TMEM184C: variants seen among roughly 807,000 people sequenced by gnomAD.
The protein encoded by TMEM184C is transmembrane protein 34.
In TMEM184C, 25 loss-of-function variants were observed where a neutral mutation model predicts 54.5. The ratio of observed to expected loss-of-function variants is 0.46; its 90% CI spans 0.33 to 0.64. The LOEUF (loss-of-function observed/expected upper bound fraction) is 0.64. Among genes scored for constraint, TMEM184C ranks in the 30% least tolerant of loss-of-function variants. TMEM184C has a pLI of 0.02. For synonymous variants in TMEM184C, 148 were observed against 181.5 expected (o/e 0.82, Z 1.49); for missense variants, 335 against 520.3 (o/e 0.64, Z 3.46).
At chr4:147,626,459 G>A (rs1457995926) in intron 4 of TMEM184C, among the ~76,000 whole-genome samples, 1 of 152,144 alleles carries the variant, frequency 6.6e-6, no homozygotes, top group Non-Finnish European at 1.5e-5. Flanking sequence ...GGAATAAGGT[G>A]GAAGTTACAA....
At chr4:147,622,234 C>T (rs540495621) in intron 1 of TMEM184C, among the ~76,000 whole-genome samples, 5 of 151,892 alleles carry the variant, frequency 3.3e-5, no homozygotes, top group South Asian at 2.1e-4. Flanking sequence ...TGAGCCACCG[C>T]GCCTGGCCGC....
Position 147,632,934 on chromosome 4 carries a change from G to C in TMEM184C, c.811G>C (p.Val271Leu), listed in dbSNP as rs749122782. ...AGTAGTTATTGCTTTGTTGGTAAAA[G>C]TTGGCGTTATTTCTGAAAAGCATAC... is the stretch of plus-strand genomic sequence containing the variant. The part of the protein sequence containing the change: ...QAVVIALLVK[V>L]GVISEKHTWE... The change falls in exon 8 of 10, where the codon GTT becomes CTT. Residue 271 changes from valine (V) to leucine (L), a missense_variant. Val to Leu is a conservative substitution (Grantham distance 32). Coordinates refer to ENST00000296582, the MANE Select transcript of TMEM184C (RefSeq NM_018241.3). The C allele has an allele frequency of 4.3e-6, 7 of 1,613,872 alleles. No individual in the cohort carries two copies. In the East Asian group the frequency reaches 1.1e-4, roughly 26 times the overall value.
At chr4:147,620,271 T>C (rs951572051) in intron 1 of TMEM184C, among the ~76,000 whole-genome samples, 2 of 152,236 alleles carry the variant, frequency 1.3e-5, no homozygotes, top group Non-Finnish European at 2.9e-5. Flanking sequence ...TACTTTGTTT[T>C]CTTTCCCCCT....
chr4:147,624,198 G>C (rs1326963204), intron 3 of TMEM184C, 100 bp downstream of exon 3: 1 of 1,021,852 alleles, frequency 9.8e-7, no homozygotes, highest in East Asian at 2.5e-5. Context: ...TTGACAAGGA[G>C]TCAGATTAAT....
At chr4:147,633,716 C>G (rs539895804) in intron 8 of TMEM184C, 49 bp from the exon 9 acceptor site, 49 of 1,462,152 alleles carry the variant, frequency 3.4e-5, no homozygotes, top group Non-Finnish European at 4.4e-5. Context: ...ACTCTACAAA[C>G]CTAGATTTAA....
In TMEM184C at chr4:147,623,824, G is replaced by C. The variant is rs371981023; in HGVS notation, c.124-10G>C. ...AGAATTTATATTAACATGTTATTTT[G>C]TTTCTTAAGGTTGGAATACACACCA... On this transcript the variant is annotated splice_polypyrimidine_tract_variant and intron_variant, in intron 1 of 9. Transcript: ENST00000296582. The C allele has an allele frequency of 1.1e-5, 17 of 1,611,964 alleles. No homozygotes were observed. The highest frequency in any genetic ancestry group is 1.4e-5 in the Non-Finnish European group (17 of 1,179,388).
chr4:147,635,958 C>T lies in TMEM184C; in HGVS notation c.*1524C>T, dbSNP rs1363080710. On this transcript the variant is annotated 3_prime_UTR_variant, in exon 10 of 10. Transcript: ENST00000296582. ...AGGCAGTAAAAGATCTGTATGTACA[C>T]TGAAAACTATGAAACACTGATGAAA... is the stretch of plus-strand genomic sequence containing the variant. 6.6e-6 allele frequency: 1 copy of T among 152,062 alleles called. No homozygotes were observed. The highest frequency in any genetic ancestry group is 1.5e-5 in the Non-Finnish European group (1 of 67,966). The allele number at this position is 152,062 out of a possible 1,614,324, so 9.4% of individuals were successfully genotyped here.
chr4:147,628,460 C>CA, intron 5 of TMEM184C, 25 bp downstream of exon 5: 1 of 1,582,022 alleles, frequency 6.3e-7, no homozygotes, highest in Non-Finnish European at 8.7e-7. Flanking sequence ...TTTATATGAA[C>CA]TTTTTTTTTC....
In TMEM184C at chr4:147,618,069, A is replaced by G. The variant is rs1333295243; in HGVS notation, c.113A>G (p.Gln38Arg). The G allele has an allele frequency of 6.2e-7, 1 of 1,614,130 alleles. No individual in the cohort carries two copies. Among genetic ancestry groups the G allele is most frequent in the African/African-American group, 1.3e-5 (1 of 75,046 alleles). ...VAVPLCVWEL[Q>R]KLEVGIHTKA... ...GTTCCCCTATGCGTGTGGGAATTAC[A>G]GAAACTGGAGGTAAGAGGGTTCTGC... Residue 38 changes from glutamine to arginine, a missense_variant, in exon 1 of 10, where the codon CAG becomes CGG. Physicochemically the swap from Gln to Arg is conservative, Grantham distance 43. Coordinates refer to ENST00000296582, the MANE Select transcript of TMEM184C (RefSeq NM_018241.3).
At position 147,618,023 on chromosome 4, in the gene TMEM184C, C is replaced by T. The variant is rs1279730710; in HGVS notation, c.67C>T (p.Leu23=). Residue 23 remains leucine (L), a synonymous_variant, in exon 1 of 10, where the codon CTG becomes TTG. Coordinates refer to ENST00000296582, the MANE Select transcript of TMEM184C (RefSeq NM_018241.3). The part of the protein sequence containing the change: ...WIRPLVAVIY[L]VSIVVAVPLC... ...TCGACCTTTAGTAGCGGTCATCTAC[C>T]TGGTGTCAATAGTGGTTGCGGTTCC... 1.2e-6 allele frequency: 2 copies of T among 1,614,154 alleles called. No individual in the cohort carries two copies. Among genetic ancestry groups the T allele is most frequent in the Admixed American group, 1.7e-5 (1 of 60,008 alleles).
intron 4 of TMEM184C, among the ~76,000 whole-genome samples, chr4:147,626,562 C>T (rs779540139): frequency 4.6e-5 from 7 of 152,188 alleles, no homozygotes; most frequent in Non-Finnish European, 1.0e-4. Flanking sequence ...ATTTGTACAA[C>T]GTCCTGACAA....
Position 147,631,522 on chromosome 4 carries a change from T to C in TMEM184C, c.779+17T>C. 1 of 1,584,916 alleles carries C rather than the reference T, an allele frequency of 6.3e-7. No individual in the cohort carries two copies. Among genetic ancestry groups the C allele is most frequent in the Non-Finnish European group, 8.6e-7 (1 of 1,160,910 alleles). On this transcript the variant is annotated intron_variant, in intron 7 of 9. Coordinates refer to ENST00000296582, the MANE Select transcript of TMEM184C (RefSeq NM_018241.3). ...TTCTTTTTGGTAAGTGTTACTTTTTTTTAAATGTTCTCATTTTTTTAAGGG... is the reference window on the plus strand; with the variant it reads ...TTCTTTTTGGTAAGTGTTACTTTTTCTTAAATGTTCTCATTTTTTTAAGGG...
intron 5 of TMEM184C, among the ~76,000 whole-genome samples, chr4:147,629,283 G>GT (rs202162985): frequency 8.0e-5 from 12 of 150,834 alleles, no homozygotes; most frequent in East Asian, 3.9e-4. Context: ...CAGCATAGTT[G>GT]TTTTTTTTTA....
intron 1 of TMEM184C, among the ~76,000 whole-genome samples, chr4:147,621,548 G>A (rs896704260): frequency 3.3e-5 from 5 of 152,116 alleles, no homozygotes; most frequent in Admixed American, 6.6e-5. Flanking sequence ...AATTTCTGCA[G>A]ATAGCTAGTG....
Position 147,624,211 on chromosome 4 carries a change from G to A in TMEM184C, c.291+113G>A, listed in dbSNP as rs185974959. ...TATTGACAAGGAGTCAGATTAATAA[G>A]TAAAAAGGTTCACTTGTTTCTAATG... On this transcript the variant is annotated intron_variant, in intron 3 of 9. Transcript: ENST00000296582. The A allele has an allele frequency of 7.5e-4, 640 of 856,078 alleles. 2 individuals are homozygous for A. The highest frequency in any genetic ancestry group is 5.5e-3 in the Middle Eastern group (15 of 2,706). 53.0% of individuals were successfully genotyped at this position (856,078 alleles called of 1,614,324 possible). A position where few individuals can be genotyped will look rare whatever the true frequency, so the allele number is the denominator to read the frequency against.
At chr4:147,633,563 TAG>T (rs1233929685) in intron 8 of TMEM184C, among the ~76,000 whole-genome samples, 200 bp from the exon 9 acceptor site, 1 of 152,086 alleles carries the variant, frequency 6.6e-6, no homozygotes, top group Non-Finnish European at 1.5e-5. Context: ...AAGTGCAAAA[TAG>T]ATTCACATTT....
chr4:147,625,846 G>C (rs1034492273), intron 4 of TMEM184C, among the ~76,000 whole-genome samples: 1 of 152,164 alleles, frequency 6.6e-6, no homozygotes, highest in African/African-American at 2.4e-5. Flanking sequence ...GAGTAATTCA[G>C]ACAGAGCCAG....
chr4:147,633,648 A>C (rs1732956518), intron 8 of TMEM184C, 117 bp from the exon 9 acceptor site: 1 of 852,112 alleles, frequency 1.2e-6, no homozygotes, highest in African/African-American at 1.7e-5. Context: ...ATAATCTGAG[A>C]AGAAAAAACA....
rs761488802 is a variant in TMEM184C, at chr4:147,624,097, G to A, written c.290G>A (p.Ser97Asn). The A allele has an allele frequency of 5.8e-5, 92 of 1,594,760 alleles. No homozygotes were observed. The highest frequency in any genetic ancestry group is 7.7e-5 in the Non-Finnish European group (90 of 1,165,556). The change falls in exon 3 of 10, where the codon AGT (serine) becomes AAT (asparagine). Residue 97 changes from serine to asparagine, a missense_variant and splice_region_variant. By Grantham distance (46) the Ser-to-Asn change is conservative (BLOSUM62 1). Transcript: ENST00000296582. The stretch of plus-strand genomic sequence containing the variant: ...ATGGTACCTATTTACAGTTTAGATA[G>A]TGTAAGTATGTTTCATTTTTATCTC... ...LWMVPIYSLDSWIALKYPGIA... is the reference protein window; with the variant it reads ...LWMVPIYSLDNWIALKYPGIA...
Sources: allele counts gnomAD v4.1 joint callset (sites outside exome capture counted in the v4.1 genomes callset), GRCh38; gene constraint gnomAD v4.1.1; transcripts MANE v1.5; gene names NCBI Gene and HGNC (gene_info 2026-07-23, HGNC 2026-07-21).